Variants in CYFIP1 observed in about 807,000 individuals in gnomAD.
CYFIP1 encodes the protein cytoplasmic FMR1-interacting protein 1.
In CYFIP1, 58 loss-of-function variants were observed where a neutral mutation model predicts 163.5. That is an observed-to-expected ratio of 0.35 (90% confidence interval 0.29 to 0.44). The LOEUF (loss-of-function observed/expected upper bound fraction) is 0.44. CYFIP1 is among the 20% of genes least tolerant of loss of function. The probability of loss-of-function intolerance (pLI) is 1.00; values close to 1 mark genes in which losing one functional copy is unlikely to be tolerated. For synonymous variants in CYFIP1, 663 were observed against 660.7 expected (o/e 1.00, Z -0.05); for missense variants, 1,338 against 1,653.8 (o/e 0.81, Z 3.31).
intron 27 of CYFIP1, 23 bp downstream of exon 27, chr15:22,875,176 C>G: frequency 6.2e-7 from 1 of 1,612,850 alleles, no homozygotes; most frequent in East Asian, 2.2e-5. Context: ...TCTGGACTCC[C>G]TGGTGGGGGT....
intron 1 of CYFIP1, 103 bp from the exon 2 acceptor site, chr15:22,947,394 C>G: frequency 2.7e-6 from 4 of 1,491,424 alleles, no homozygotes; most frequent in East Asian, 2.3e-5. Flanking sequence ...CCCGCTCTCC[C>G]GAGGGCACCG....
In CYFIP1 at chr15:22,917,549, T is replaced by C. The variant is rs960468656; in HGVS notation, c.1674+239A>G. 8.9e-6 allele frequency: 5 copies of C among 562,916 alleles called. No homozygotes were observed. The highest frequency in any genetic ancestry group is 3.3e-5 in the East Asian group (1 of 30,234). 34.9% of individuals were successfully genotyped at this position (562,916 alleles called of 1,614,324 possible). A position where few individuals can be genotyped will look rare whatever the true frequency, so the allele number is the denominator to read the frequency against. On this transcript the variant is annotated intron_variant, in intron 15 of 30. Transcript: ENST00000617928. This position sits in a 1 kb window ranked among gnomAD's most constrained non-coding sequence, Gnocchi z 4.2. ...CACATTTTTGGGATGGGAGTTGAAATGGAGTCAGACTCCTTTTTAGTGCAC... is the reference window on the plus strand; with the variant it reads ...CACATTTTTGGGATGGGAGTTGAAACGGAGTCAGACTCCTTTTTAGTGCAC...
rs1051287 is a variant in CYFIP1 at position 22,868,111 on chromosome 15, C to T, written c.*1917G>A. 21,961 of 152,296 alleles carry T rather than the reference C, an allele frequency of 0.14. 1,877 individuals carry two copies. The highest frequency in any genetic ancestry group is 0.27 in the Admixed American group (4,061 of 15,294). 9.4% of individuals were successfully genotyped at this position (152,296 alleles called of 1,614,324 possible). ...CATCACTCCCCGAGGGCCTCCCCTGCCAATGGTGCTGGTATCCCATGCAGC... is the reference window on the plus strand; with the variant it reads ...CATCACTCCCCGAGGGCCTCCCCTGTCAATGGTGCTGGTATCCCATGCAGC... On this transcript the variant is annotated 3_prime_UTR_variant, in exon 31 of 31. Coordinates refer to ENST00000617928, the MANE Select transcript of CYFIP1 (RefSeq NM_014608.6).
intron 13 of CYFIP1, among the ~76,000 whole-genome samples, chr15:22,920,305 T>C (rs568898348): frequency 6.6e-6 from 1 of 151,786 alleles, no homozygotes; most frequent in African/African-American, 2.4e-5. Context: ...ACTAGTTCTA[T>C]AAGCATGCAC....
At chr15:22,892,621 C>T (rs142459868) in intron 23 of CYFIP1, among the ~76,000 whole-genome samples, 1 of 152,322 alleles carries the variant, frequency 6.6e-6, no homozygotes, top group East Asian at 1.9e-4. Context: ...AGAGACCAGG[C>T]CCAGCCTGAC....
At chr15:22,951,215 C>T (rs2062238436) in intron 1 of CYFIP1, 4 of 634,304 alleles carry the variant, frequency 6.3e-6, no homozygotes, top group Non-Finnish European at 8.2e-6. Context: ...CACCGCCAGC[C>T]ACCTGGACCT....
At chr15:22,897,696 C>T (rs145673411) in intron 22 of CYFIP1, among the ~76,000 whole-genome samples, 1,902 of 152,210 alleles carry the variant, frequency 0.012, 38 homozygotes, top group African/African-American at 0.043. Context: ...GTTGGCCAGG[C>T]TGGTCTCGAA....
At chr15:22,922,849 G>A (rs919116715) in intron 13 of CYFIP1, among the ~76,000 whole-genome samples, 1 of 152,052 alleles carries the variant, frequency 6.6e-6, no homozygotes, top group Non-Finnish European at 1.5e-5. Flanking sequence ...AAAATTAGCT[G>A]GGTGTGGTGG....
chr15:22,943,509 C>T (rs2061960102), intron 5 of CYFIP1, among the ~76,000 whole-genome samples, 155 bp from the exon 6 acceptor site: 1 of 152,230 alleles, frequency 6.6e-6, no homozygotes, highest in South Asian at 2.1e-4. Flanking sequence ...GGCAACCAGA[C>T]CCCTTCCTGA....
At chr15:22,932,719 G>C (rs2061577718) in intron 10 of CYFIP1, among the ~76,000 whole-genome samples, 4 of 152,202 alleles carry the variant, frequency 2.6e-5, no homozygotes, top group Non-Finnish European at 5.9e-5. Flanking sequence ...GTGCCTGCCA[G>C]CATCTGGAAC....
chr15:22,887,042 T>C (rs2059944463), intron 23 of CYFIP1, among the ~76,000 whole-genome samples: 1 of 152,212 alleles, frequency 6.6e-6, no homozygotes, highest in Non-Finnish European at 1.5e-5. Flanking sequence ...CCTGGCAATA[T>C]TCTTTGCTCT....
intron 1 of CYFIP1, among the ~76,000 whole-genome samples, chr15:22,975,239 T>C (rs1057027229): frequency 3.3e-4 from 50 of 152,190 alleles, no homozygotes; most frequent in African/African-American, 1.1e-3. Context: ...AGTCACGTAG[T>C]TTTAACTTTT....
intron 30 of CYFIP1, among the ~76,000 whole-genome samples, chr15:22,870,880 C>T (rs2059414852): frequency 6.6e-6 from 1 of 152,178 alleles, no homozygotes; most frequent in African/African-American, 2.4e-5. Context: ...TCTGACAGAC[C>T]CTCCTGCTAC....
Position 22,867,124 on chromosome 15 carries a change from T to TGAC in CYFIP1, c.*2901_*2903dup. 2.1e-6 allele frequency: 1 copy of TGAC among 484,962 alleles called. No homozygotes were observed. Among genetic ancestry groups the TGAC allele is most frequent in the South Asian group, 4.4e-5 (1 of 22,690 alleles). 30.0% of individuals were successfully genotyped at this position (484,962 alleles called of 1,614,324 possible). A position where few individuals can be genotyped will look rare whatever the true frequency, so the allele number is the denominator to read the frequency against. Reference sequence around the variant, plus strand: ...CTTCTCCAAAAGCCGAATGCACTAATGACAGTTTTAAGTCTATGAAAATGC... The same window carrying TGAC: ...CTTCTCCAAAAGCCGAATGCACTAATGACGACAGTTTTAAGTCTATGAAAATGC... On this transcript the variant is annotated 3_prime_UTR_variant, in exon 31 of 31. Coordinates refer to ENST00000617928, the MANE Select transcript of CYFIP1 (RefSeq NM_014608.6).
At chr15:22,882,625 C>T (rs536626746) in intron 24 of CYFIP1, among the ~76,000 whole-genome samples, 1 of 152,200 alleles carries the variant, frequency 6.6e-6, no homozygotes, top group Non-Finnish European at 1.5e-5. Context: ...AGCAACATAG[C>T]AAGACCCCCT....
chr15:22,936,734 T>C (rs1287640879), intron 9 of CYFIP1, among the ~76,000 whole-genome samples: 1 of 152,066 alleles, frequency 6.6e-6, no homozygotes, highest in Non-Finnish European at 1.5e-5. Context: ...CCCGCCAACA[T>C]TGGAACGGAT....
At chr15:22,971,479 C>A (rs1595734704) in intron 1 of CYFIP1, among the ~76,000 whole-genome samples, 3 of 152,132 alleles carry the variant, frequency 2.0e-5, no homozygotes, top group African/African-American at 7.2e-5. Context: ...TCCAGACCAG[C>A]CTGACCACCA....
At chr15:22,960,966 A>G (rs1370799158) in intron 1 of CYFIP1, among the ~76,000 whole-genome samples, 1 of 152,036 alleles carries the variant, frequency 6.6e-6, no homozygotes, top group Non-Finnish European at 1.5e-5. Flanking sequence ...CTGTTTTTAT[A>G]ATTTAATCTG....
At chr15:22,953,987 C>T (rs1325549650) in intron 1 of CYFIP1, among the ~76,000 whole-genome samples, 1 of 152,132 alleles carries the variant, frequency 6.6e-6, no homozygotes. Context: ...ACCCGGGAGG[C>T]GGAGCTTGCA....
Sources: gnomAD v4.1 joint callset for allele counts (sites outside exome capture counted in the v4.1 genomes callset) on GRCh38, gnomAD v4.1.1 for gene constraint, Gnocchi (gnomAD v3.1) non-coding constraint, MANE v1.5 for transcripts, NCBI Gene and HGNC (gene_info 2026-07-23, HGNC 2026-07-21) for gene names.